ZNF503: variants seen among roughly 807,000 people sequenced by gnomAD.
The protein encoded by ZNF503 is zinc finger protein 503, also known as NocA-like zinc finger 2.
Under a neutral mutation model 34.4 loss-of-function variants are expected in ZNF503, and 15 were observed. That is an observed-to-expected ratio of 0.44 (90% CI 0.29 to 0.67). ZNF503 has a LOEUF of 0.67. Ranked by LOEUF, ZNF503 falls within the 30% of genes least tolerant of loss-of-function variation. The probability of loss-of-function intolerance (pLI) is 0.13; values close to 1 mark genes in which losing one functional copy is unlikely to be tolerated. For synonymous variants in ZNF503, 580 were observed against 456.8 expected (o/e 1.27, Z -3.44); for missense variants, 1,007 against 926.8 (o/e 1.09, Z -1.12).
At chr10:75,373,165 T>C in the ZNF503 span, among the ~76,000 whole-genome samples, 4 of 152,248 alleles carry the variant, frequency 2.6e-5, no homozygotes, top group Non-Finnish European at 4.4e-5. Flanking sequence ...AGCTCAGCCC[T>C]TCACTGGGCA....
chr10:75,391,005 T>C, the ZNF503 span, among the ~76,000 whole-genome samples: 1 of 152,198 alleles, frequency 6.6e-6, no homozygotes, highest in African/African-American at 2.4e-5. Flanking sequence ...CTTCCTTTTC[T>C]TAGAAGGCCA....
chr10:75,384,520 A>T, the ZNF503 span, among the ~76,000 whole-genome samples: 1 of 152,040 alleles, frequency 6.6e-6, no homozygotes, highest in Non-Finnish European at 1.5e-5. Flanking sequence ...GAGATAGGTC[A>T]AGTAGCAGTC....
chr10:75,297,969 A>G, the ZNF503 span, among the ~76,000 whole-genome samples: 1 of 151,992 alleles, frequency 6.6e-6, no homozygotes, highest in Non-Finnish European at 1.5e-5. Flanking sequence ...TTTAGGTGAA[A>G]CCTACATACC....
chr10:75,341,016 T>G, the ZNF503 span, among the ~76,000 whole-genome samples: 1 of 152,252 alleles, frequency 6.6e-6, no homozygotes, highest in Non-Finnish European at 1.5e-5. Flanking sequence ...AATTCCTCTA[T>G]TTCAGTCATT....
the ZNF503 span, among the ~76,000 whole-genome samples, chr10:75,350,781 T>C: frequency 6.6e-6 from 1 of 152,182 alleles, no homozygotes; most frequent in Non-Finnish European, 1.5e-5. Flanking sequence ...CTTGAACTCC[T>C]GGCCACAAGT....
downstream of ZNF503, among the ~76,000 whole-genome samples, chr10:75,396,213 G>A (rs1843694830): frequency 6.6e-6 from 1 of 152,200 alleles, no homozygotes; most frequent in African/African-American, 2.4e-5. The surrounding 1 kb of genome is among the most constrained non-coding windows in gnomAD (Gnocchi z 4.4). Flanking sequence ...CAAGGAACCA[G>A]GCCCAGCTCA....
chr10:75,326,168 A>AT, the ZNF503 span, among the ~76,000 whole-genome samples: 2 of 152,314 alleles, frequency 1.3e-5, no homozygotes, highest in South Asian at 2.1e-4. Context: ...AATACAATTG[A>AT]TTTTTTTGTA....
the ZNF503 span, among the ~76,000 whole-genome samples, chr10:75,296,006 A>G: frequency 6.6e-6 from 1 of 152,218 alleles, no homozygotes; most frequent in Non-Finnish European, 1.5e-5. Flanking sequence ...AGCAATACGT[A>G]CAGGAACTCA....
chr10:75,385,124 G>T, the ZNF503 span, among the ~76,000 whole-genome samples: 2 of 152,170 alleles, frequency 1.3e-5, no homozygotes, highest in Non-Finnish European at 1.5e-5. Context: ...ACAAAGAGGT[G>T]GCCATCTTAG....
chr10:75,369,690 G>C, the ZNF503 span, among the ~76,000 whole-genome samples: 1 of 152,248 alleles, frequency 6.6e-6, no homozygotes, highest in African/African-American at 2.4e-5. Flanking sequence ...AGCTAATTGA[G>C]AAAACAATGC....
At chr10:75,336,526 G>A in the ZNF503 span, among the ~76,000 whole-genome samples, 118,668 of 152,092 alleles carry the variant, frequency 0.78, 47,367 homozygotes, top group African/African-American at 0.94. Context: ...TAGGAATAGG[G>A]TAGGGAATTG....
the ZNF503 span, among the ~76,000 whole-genome samples, chr10:75,359,996 C>A: frequency 6.6e-6 from 1 of 151,900 alleles, no homozygotes; most frequent in Non-Finnish European, 1.5e-5. Flanking sequence ...TACCCAGGCC[C>A]AAGAGACTCT....
At chr10:75,367,493 G>A in the ZNF503 span, among the ~76,000 whole-genome samples, 4 of 152,152 alleles carry the variant, frequency 2.6e-5, no homozygotes, top group African/African-American at 9.7e-5. Flanking sequence ...ACATCATCGT[G>A]TCATTTTACA....
chr10:75,292,071 C>T, the ZNF503 span, among the ~76,000 whole-genome samples: 1 of 152,192 alleles, frequency 6.6e-6, no homozygotes, highest in Non-Finnish European at 1.5e-5. Context: ...CTGGAAATAG[C>T]TAGATCCATG....
chr10:75,298,543 G>A, the ZNF503 span, among the ~76,000 whole-genome samples: 174 of 152,158 alleles, frequency 1.1e-3, no homozygotes, highest in Non-Finnish European at 1.3e-3. Flanking sequence ...TCCTTTTTAT[G>A]GCCAAATAAT....
the ZNF503 span, among the ~76,000 whole-genome samples, chr10:75,340,489 G>A: frequency 1.1e-4 from 16 of 152,100 alleles, no homozygotes; most frequent in Non-Finnish European, 1.9e-4. Flanking sequence ...GTTCACAATC[G>A]TGAACAACTG....
chr10:75,307,903 A>T, the ZNF503 span, among the ~76,000 whole-genome samples: 3 of 152,000 alleles, frequency 2.0e-5, no homozygotes, highest in Non-Finnish European at 2.9e-5. Flanking sequence ...ACATAGCAAG[A>T]CCCCATCTCT....
the ZNF503 span, among the ~76,000 whole-genome samples, chr10:75,300,704 CTTTTTTTT>C: frequency 2.8e-5 from 3 of 108,752 alleles, no homozygotes; most frequent in South Asian, 3.1e-4. Flanking sequence ...TTCTTTCTTT[CTTTTTTTT>C]TTTTTTTTTT....
chr10:75,340,606 T>G, the ZNF503 span, among the ~76,000 whole-genome samples: 8 of 152,148 alleles, frequency 5.3e-5, no homozygotes, highest in Non-Finnish European at 7.4e-5. Context: ...CTCTTTTTTT[T>G]TTGTTTTTTG....
Sources: allele counts gnomAD v4.1 joint callset (sites outside exome capture counted in the v4.1 genomes callset), GRCh38; gene constraint gnomAD v4.1.1; non-coding constraint Gnocchi (gnomAD v3.1); transcripts MANE v1.5; gene names NCBI Gene and HGNC (gene_info 2026-07-23, HGNC 2026-07-21).